The following ANKS1B variants were observed in gnomAD, a reference collection of about 807,000 sequenced individuals.
ANKS1B encodes ankyrin repeat and sterile alpha motif domain containing 1B.
A neutral mutation model predicts 148.3 loss-of-function variants in ANKS1B; 36 were observed. The ratio of observed to expected loss-of-function variants is 0.24; its 90% CI spans 0.19 to 0.32. The LOEUF (loss-of-function observed/expected upper bound fraction) is 0.32, where lower values mean the gene tolerates loss of function less well. Ranked by LOEUF, ANKS1B falls within the 10% of genes least tolerant of loss-of-function variation. ANKS1B has a pLI of 1.00. For synonymous variants in ANKS1B, 542 were observed against 560.8 expected (o/e 0.97, Z 0.47); for missense variants, 1,157 against 1,542.6 (o/e 0.75, Z 4.19).
intron 17 of ANKS1B, among the ~76,000 whole-genome samples, chr12:98,944,419 G>A (rs776465261): frequency 9.9e-5 from 15 of 151,502 alleles, no homozygotes; most frequent in African/African-American, 3.6e-4. Context: ...AGATGCTGGC[G>A]CCATGCTTCC....
chr12:99,244,997 G>A (rs1209532677), intron 13 of ANKS1B, among the ~76,000 whole-genome samples: 4 of 152,192 alleles, frequency 2.6e-5, no homozygotes, highest in Admixed American at 6.5e-5. Context: ...TGGGATTACA[G>A]GCATATGCCA....
chr12:99,017,364 A>G (rs1598495158), intron 17 of ANKS1B, among the ~76,000 whole-genome samples: 1 of 152,180 alleles, frequency 6.6e-6, no homozygotes, highest in East Asian at 1.9e-4. Context: ...CCGAATTCTG[A>G]TAGGATAGGC....
chr12:99,861,604 C>T (rs567701970), intron 1 of ANKS1B, among the ~76,000 whole-genome samples: 89 of 152,178 alleles, frequency 5.8e-4, no homozygotes, highest in Non-Finnish European at 1.0e-3. Flanking sequence ...GGAATATCTA[C>T]GAATAATAAT....
intron 17 of ANKS1B, among the ~76,000 whole-genome samples, chr12:98,892,727 T>C (rs1238594504): frequency 6.6e-6 from 1 of 152,248 alleles, no homozygotes; most frequent in Non-Finnish European, 1.5e-5. Flanking sequence ...TATTAAATAA[T>C]ACACCATGCT....
At chr12:99,173,553 C>T (rs983961298) in intron 14 of ANKS1B, among the ~76,000 whole-genome samples, 5 of 151,988 alleles carry the variant, frequency 3.3e-5, no homozygotes, top group Admixed American at 6.6e-5. Context: ...AAACCAAAAA[C>T]AAAGAATAGA....
intron 1 of ANKS1B, among the ~76,000 whole-genome samples, chr12:99,955,179 G>T (rs1234519703): frequency 6.6e-6 from 1 of 151,998 alleles, no homozygotes; most frequent in African/African-American, 2.4e-5. Flanking sequence ...TCTTTGCACG[G>T]TCTGGCCTCT....
At chr12:99,889,687 G>A (rs922922202) in intron 1 of ANKS1B, among the ~76,000 whole-genome samples, 1 of 152,064 alleles carries the variant, frequency 6.6e-6, no homozygotes, top group Admixed American at 6.6e-5. Context: ...ATAACAAAGG[G>A]AAATATAAGT....
intron 12 of ANKS1B, among the ~76,000 whole-genome samples, chr12:99,375,453 A>G (rs934522590): frequency 9.9e-5 from 15 of 152,198 alleles, no homozygotes; most frequent in Non-Finnish European, 2.1e-4. Flanking sequence ...TGTCTGAGAA[A>G]TGTTGATATC....
intron 11 of ANKS1B, among the ~76,000 whole-genome samples, chr12:99,405,166 G>T (rs2094502285): frequency 6.9e-6 from 1 of 145,668 alleles, no homozygotes; most frequent in Non-Finnish European, 1.5e-5. Context: ...GAGTTCTTCA[G>T]TGTGAAAGAA....
chr12:99,890,569 TG>T (rs2093041998), intron 1 of ANKS1B, among the ~76,000 whole-genome samples: 1 of 115,570 alleles, frequency 8.7e-6, no homozygotes, highest in Admixed American at 9.4e-5. Context: ...CTCGCATTCA[TG>T]GTGTGTGTGT....
At chr12:99,601,926 A>G (rs1299082780) in intron 9 of ANKS1B, among the ~76,000 whole-genome samples, 4 of 151,972 alleles carry the variant, frequency 2.6e-5, no homozygotes, top group African/African-American at 7.2e-5. Flanking sequence ...GTGACCTACT[A>G]TAAGACAAGG....
chr12:99,302,827 A>G (rs1268926199), intron 12 of ANKS1B, among the ~76,000 whole-genome samples: 3 of 152,182 alleles, frequency 2.0e-5, no homozygotes, highest in Admixed American at 2.0e-4. Context: ...GCTTTTCATC[A>G]TCTAATCAAT....
intron 12 of ANKS1B, among the ~76,000 whole-genome samples, chr12:99,249,671 C>T (rs1224357185): frequency 6.6e-6 from 1 of 152,128 alleles, no homozygotes; most frequent in Non-Finnish European, 1.5e-5. Context: ...GCAGTTATGG[C>T]CCCAGTCTGC....
At chr12:99,090,275 T>TA (rs1163105242) in intron 15 of ANKS1B, among the ~76,000 whole-genome samples, 4 of 152,224 alleles carry the variant, frequency 2.6e-5, no homozygotes, top group African/African-American at 9.6e-5. Context: ...TGTAGTTTTT[T>TA]AAACTTAATA....
chr12:99,818,320 T>C (rs1476550118), intron 2 of ANKS1B, among the ~76,000 whole-genome samples: 3 of 151,870 alleles, frequency 2.0e-5, no homozygotes, highest in African/African-American at 7.2e-5. Flanking sequence ...AGTCATTGAT[T>C]GATGAGCATT....
At chr12:98,823,121 C>T (rs990776201) in intron 19 of ANKS1B, among the ~76,000 whole-genome samples, 4 of 152,212 alleles carry the variant, frequency 2.6e-5, no homozygotes, top group Admixed American at 2.0e-4. Flanking sequence ...TCATAGCTGG[C>T]TAGTGGCCTA....
At chr12:98,816,982 G>A (rs550376048) in intron 19 of ANKS1B, among the ~76,000 whole-genome samples, 6 of 151,044 alleles carry the variant, frequency 4.0e-5, no homozygotes, top group East Asian at 1.9e-4. Context: ...ATTTTCTGCC[G>A]TGTTCTAGCC....
At chr12:99,109,245 A>G (rs1257104288) in intron 15 of ANKS1B, among the ~76,000 whole-genome samples, 1 of 152,186 alleles carries the variant, frequency 6.6e-6, no homozygotes, top group Non-Finnish European at 1.5e-5. Flanking sequence ...TGACAAAGGA[A>G]GTTAATTGGT....
chr12:99,800,638 TAG>T (rs2066838086), intron 4 of ANKS1B, among the ~76,000 whole-genome samples: 1 of 152,012 alleles, frequency 6.6e-6, no homozygotes, highest in Non-Finnish European at 1.5e-5. Flanking sequence ...GCCAAACAAC[TAG>T]AAGGATGGCA....
Sources: gnomAD v4.1 joint callset for allele counts (sites outside exome capture counted in the v4.1 genomes callset) on GRCh38, gnomAD v4.1.1 for gene constraint, MANE v1.5 for transcripts, NCBI Gene and HGNC (gene_info 2026-07-23, HGNC 2026-07-21) for gene names.